The following CHRNA1 variants were observed in gnomAD, a reference collection of about 807,000 sequenced individuals.
The protein encoded by CHRNA1 is acetylcholine receptor subunit alpha.
Under a neutral mutation model 47.1 loss-of-function variants are expected in CHRNA1, and 35 were observed. The ratio of observed to expected loss-of-function variants is 0.74; its 90% CI spans 0.57 to 0.99. The LOEUF (loss-of-function observed/expected upper bound fraction) is 0.99. CHRNA1 is among the 50% of genes least tolerant of loss of function. CHRNA1 has a pLI of 0.00. For synonymous variants in CHRNA1, 229 were observed against 223.6 expected, an observed-to-expected ratio of 1.02 and a Z score of -0.22; for missense variants, 506 against 591.1, an observed-to-expected ratio of 0.86 and a Z score of 1.49.
rs375471139 is a variant in CHRNA1, at chr2:174,753,485, C to T, written c.778+18G>A. 4.4e-6 allele frequency: 7 copies of T among 1,608,380 alleles called. No homozygotes were observed. Among genetic ancestry groups the T allele is most frequent in the Non-Finnish European group, 6.0e-6 (7 of 1,174,804 alleles). ...ACCCATCAGCGTCAGCAGCAGCAGT[C>T]ATGGCAACCACACCCACCTGAGTCT... On this transcript the variant is annotated intron_variant, in intron 6 of 8. Transcript: ENST00000348749.
At chr2:174,754,495 A>T in intron 4 of CHRNA1, 81 bp from the exon 5 acceptor site, 7 of 1,214,998 alleles carry the variant, frequency 5.8e-6, no homozygotes, top group Non-Finnish European at 8.5e-6. Flanking sequence ...AACAGGAGAC[A>T]GCTGTTAATT....
chr2:174,752,641 G>T (rs868249807), intron 6 of CHRNA1: 2 of 152,120 alleles, frequency 1.3e-5, no homozygotes, highest in Non-Finnish European at 2.9e-5. Context: ...GGCACTTTCT[G>T]TCTTATTCTC....
In CHRNA1 at chr2:174,757,998, C is replaced by T. The variant is rs750955953; in HGVS notation, c.235-323G>A. On this transcript the variant is annotated intron_variant, in intron 3 of 8. Coordinates refer to ENST00000348749, the MANE Select transcript of CHRNA1 (RefSeq NM_000079.4). ...AACTCCCAAAGTCACGCAGCTGGGG[C>T]GTGGCAGATCTACCATGTCACCCTG... The T allele has an allele frequency of 2.5e-5, 40 of 1,613,612 alleles. No individual in the cohort carries two copies. The highest frequency in any genetic ancestry group is 4.5e-5 in the East Asian group (2 of 44,876).
rs1200228574 is a variant in CHRNA1 at position 174,748,209 on chromosome 2, A to G, written c.1289T>C (p.Leu430Pro). Residue 430 changes from leucine to proline, a missense_variant, in exon 9 of 9, where the codon CTC (leucine) becomes CCC (proline). By Grantham distance (98) the Leu-to-Pro change is moderately conservative. Transcript: ENST00000348749. ...KYVAMVMDHI[L>P]LGVFMLVCII... ...GCAAACAAGCATGAAGACTCCGAGG[A>G]GTATGTGGTCCATCACCATTGCAAC... 1.2e-6 allele frequency: 2 copies of G among 1,614,164 alleles called. No homozygotes were observed. Among genetic ancestry groups the G allele is most frequent in the Admixed American group, 3.3e-5 (2 of 60,020 alleles).
Position 174,748,331 on chromosome 2 carries a change from A to C in CHRNA1, c.1243-76T>G, listed in dbSNP as rs3816448. On this transcript the variant is annotated intron_variant, in intron 8 of 8. Transcript: ENST00000348749. ...CTCACAACGTTTGTGCTTTGCATCA[A>C]CTATGGGCCCTTCAATTTGTAGATC... 638,904 of 1,593,386 alleles carry C rather than the reference A, an allele frequency of 0.4. 133,978 individuals carry two copies. Among genetic ancestry groups the C allele is most frequent in the East Asian group, 0.65 (28,807 of 44,612 alleles).
chr2:174,749,892 G>C (rs887339010), intron 7 of CHRNA1, 54 bp downstream of exon 7: 4 of 1,462,096 alleles, frequency 2.7e-6, no homozygotes, highest in Non-Finnish European at 2.9e-6. Flanking sequence ...CTCCTCGAAG[G>C]GGAGGCCTGT....
chr2:174,753,697 T>TGG lies in CHRNA1; in HGVS notation c.583_584insCC (p.Glu195AlafsTer4). 1 of 1,613,846 alleles carries TGG rather than the reference T, an allele frequency of 6.2e-7. No homozygotes were observed. The highest frequency in any genetic ancestry group is 8.5e-7 in the Non-Finnish European group (1 of 1,179,950). On this transcript the variant is annotated frameshift_variant, in exon 6 of 9. Coordinates refer to ENST00000348749, the MANE Select transcript of CHRNA1 (RefSeq NM_000079.4). LOFTEE classifies it high-confidence loss of function. ...GCCCCGGGACTCCTTGATCACCCAC[T>TGG]CCCCGCTCTCCATGAAGTTGCTCAG... is the stretch of plus-strand genomic sequence containing the variant.
chr2:174,749,213 A>G (rs114232927), intron 7 of CHRNA1, among the ~76,000 whole-genome samples: 3,417 of 152,324 alleles, frequency 0.022, 132 homozygotes, highest in African/African-American at 0.079. Context: ...CCCACAAAAC[A>G]GCTAGATTGT....
Position 174,759,600 on chromosome 2 carries a change from C to T in CHRNA1, c.77G>A (p.Arg26His), listed in dbSNP as rs777813669. 2.7e-5 allele frequency: 44 copies of T among 1,613,790 alleles called. No individual in the cohort carries two copies. The highest frequency in any genetic ancestry group is 1.7e-4 in the Middle Eastern group (1 of 6,034). The change falls in exon 2 of 9, where the codon CGT becomes CAT. Residue 26 changes from arginine to histidine, a missense_variant. Transcript: ENST00000348749. ...GLVLGSEHET[R>H]LVAKLFKDYS... ...GTCTTTAAATAGCTTTGCCACCAGA[C>T]GGGTCTCATGTTCGGAGCCCAGGAC...
At chr2:174,748,465 T>C in intron 8 of CHRNA1, 115 bp downstream of exon 8, 3 of 1,459,728 alleles carry the variant, frequency 2.1e-6, no homozygotes, top group Non-Finnish European at 2.8e-6. Context: ...GGGTTCATCT[T>C]AGGTCAGTAG....
intron 6 of CHRNA1, among the ~76,000 whole-genome samples, chr2:174,750,429 C>T (rs552577042): frequency 3.9e-5 from 6 of 152,194 alleles, no homozygotes; most frequent in Admixed American, 6.5e-5. Context: ...GGCCATGGGA[C>T]ACAGGAAGAA....
intron 3 of CHRNA1, 186 bp from the exon 4 acceptor site, chr2:174,757,861 C>T (rs892016754): frequency 7.4e-6 from 7 of 943,946 alleles, no homozygotes; most frequent in East Asian, 2.6e-5. Flanking sequence ...GCACTGACGA[C>T]GTGCTCACAC....
In CHRNA1 at chr2:174,750,150, G is replaced by A; in HGVS notation, c.798C>T (p.Ser266=). ...PTDSGEKMTL[S]ISVLLSLTVF... ...CAGTCAAAGACAGTAAGACAGAGAT[G>A]CTCAGAGTCATCTTCTCCCCTGAAA... The change falls in exon 7 of 9, where the codon AGC becomes AGT. Residue 266 remains serine, a synonymous_variant. Coordinates refer to ENST00000348749, the MANE Select transcript of CHRNA1 (RefSeq NM_000079.4). The A allele has an allele frequency of 3.7e-6, 6 of 1,608,386 alleles. No individual in the cohort carries two copies. The highest frequency in any genetic ancestry group is 5.1e-6 in the Non-Finnish European group (6 of 1,178,274).
chr2:174,748,510 A>G, intron 8 of CHRNA1, 70 bp downstream of exon 8: 1 of 1,567,068 alleles, frequency 6.4e-7, no homozygotes. Context: ...GTTAAGTCAG[A>G]CTCACCACCT....
intron 6 of CHRNA1, among the ~76,000 whole-genome samples, chr2:174,750,858 C>T (rs191895102): frequency 3.9e-5 from 6 of 152,268 alleles, no homozygotes; most frequent in Admixed American, 2.0e-4. Flanking sequence ...AAGCTGGACT[C>T]GGTGTGGCAT....
rs886055147 is a variant in CHRNA1, at chr2:174,747,766, G to A, written c.*358C>T. The A allele has an allele frequency of 5.1e-5, 16 of 311,692 alleles. No homozygotes were observed. The highest frequency in any genetic ancestry group is 7.5e-5 in the Non-Finnish European group (12 of 159,864). The allele number at this position is 311,692 out of a possible 1,614,324, so 19.3% of individuals were successfully genotyped here. A position where few individuals can be genotyped will look rare whatever the true frequency, so the allele number is the denominator to read the frequency against. On this transcript the variant is annotated 3_prime_UTR_variant, in exon 9 of 9. Transcript: ENST00000348749. Reference sequence around the variant, plus strand: ...ACATCAGCAACTCCCTAGTGGTCTCGTGGTTAGACAAAATAAGTAAATATA... The same window carrying A: ...ACATCAGCAACTCCCTAGTGGTCTCATGGTTAGACAAAATAAGTAAATATA...
intron 8 of CHRNA1, 46 bp from the exon 9 acceptor site, chr2:174,748,301 C>A: frequency 6.2e-7 from 1 of 1,612,612 alleles, no homozygotes; most frequent in Non-Finnish European, 8.5e-7. Flanking sequence ...AAGGTGGTTT[C>A]TGGACTCACA....
chr2:174,753,191 A>C, intron 6 of CHRNA1: 1 of 592,080 alleles, frequency 1.7e-6, no homozygotes, highest in East Asian at 2.8e-5. Flanking sequence ...TACCCAGTAC[A>C]CTTCTGGGCA....
chr2:174,757,383 TG>T (rs1201988502), intron 4 of CHRNA1, among the ~76,000 whole-genome samples, 182 bp downstream of exon 4: 1 of 152,112 alleles, frequency 6.6e-6, no homozygotes, highest in Non-Finnish European at 1.5e-5. Context: ...CTCAAACTCC[TG>T]GCCTCAAGCA....
Sources: gnomAD v4.1 joint callset for allele counts (sites outside exome capture counted in the v4.1 genomes callset) on GRCh38, gnomAD v4.1.1 for gene constraint, MANE v1.5 for transcripts, NCBI Gene and HGNC (gene_info 2026-07-23, HGNC 2026-07-21) for gene names.